SH3YL1: variants seen among roughly 807,000 people sequenced by gnomAD.
SH3YL1 encodes the protein SH3 and SYLF domain containing 1.
In SH3YL1, 41 loss-of-function variants were observed where a neutral mutation model predicts 45.8. The ratio of observed to expected loss-of-function variants is 0.89; its 90% CI spans 0.70 to 1.16. The LOEUF is 1.16. Among genes scored for constraint, SH3YL1 ranks in the 50% most tolerant of loss-of-function variants. The probability of loss-of-function intolerance (pLI) is 0.00; values close to 1 mark genes in which losing one functional copy is unlikely to be tolerated. For synonymous variants in SH3YL1, 152 were observed against 151.4 expected (o/e 1.00, Z -0.03); for missense variants, 389 against 409.6 (o/e 0.95, Z 0.43).
chr2:237,881 A>C (rs1419910878), intron 4 of SH3YL1, among the ~76,000 whole-genome samples: 2 of 152,240 alleles, frequency 1.3e-5, no homozygotes, highest in Non-Finnish European at 2.9e-5. Context: ...AATTAAATAA[A>C]TTCTTAAACA....
chr2:247,347 A>G (rs549391501), intron 4 of SH3YL1, among the ~76,000 whole-genome samples, 191 bp downstream of exon 4: 3 of 152,354 alleles, frequency 2.0e-5, no homozygotes, highest in East Asian at 1.9e-4. Flanking sequence ...TACTAAGGAA[A>G]GAAAAGGAAA....
At chr2:259,953 AATTTCTAT>A (rs1366912634) in intron 1 of SH3YL1, 2 of 152,032 alleles carry the variant, frequency 1.3e-5, no homozygotes, top group African/African-American at 4.8e-5. Context: ...ATGGCAACAA[AATTTCTAT>A]ATTTCTATAT....
intron 1 of SH3YL1, among the ~76,000 whole-genome samples, chr2:258,971 C>T (rs1163346435): frequency 6.6e-6 from 1 of 152,200 alleles, no homozygotes; most frequent in Non-Finnish European, 1.5e-5. Context: ...TCTGCAAATT[C>T]CAGTTACCTC....
chr2:264,110 GCAAAACAC>G, upstream of SH3YL1: 4 of 1,272,096 alleles, frequency 3.1e-6, no homozygotes, highest in Admixed American at 7.7e-5. Context: ...AGGAGGCGGC[GCAAAACAC>G]CCGCCGTGTA....
chr2:243,601 A>C (rs929275831), intron 4 of SH3YL1: 3 of 1,517,578 alleles, frequency 2.0e-6, no homozygotes, highest in African/African-American at 1.4e-5. Flanking sequence ...GGTAACCTGA[A>C]CTACCTATCA....
intron 4 of SH3YL1, among the ~76,000 whole-genome samples, chr2:244,170 T>C (rs1668673445): frequency 6.6e-6 from 1 of 151,022 alleles, no homozygotes; most frequent in Non-Finnish European, 1.5e-5. Context: ...GCTATGAAAA[T>C]GATTCCATAA....
intron 3 of SH3YL1, among the ~76,000 whole-genome samples, chr2:249,352 A>G (rs1191057034): frequency 2.0e-5 from 3 of 152,192 alleles, no homozygotes; most frequent in Admixed American, 1.3e-4. Context: ...CCTTATTTTC[A>G]TATCAATTTC....
chr2:263,674 G>T, intron 1 of SH3YL1: 1 of 356,618 alleles, frequency 2.8e-6, no homozygotes, highest in Non-Finnish European at 5.1e-6. Flanking sequence ...TGGAACGGAA[G>T]GATGGTCGCT....
At chr2:238,302 T>G (rs927103623) in intron 4 of SH3YL1, among the ~76,000 whole-genome samples, 3 of 137,834 alleles carry the variant, frequency 2.2e-5, no homozygotes, top group African/African-American at 8.1e-5. Flanking sequence ...TGTGTGTGTG[T>G]GGCATGGCCA....
intron 9 of SH3YL1, among the ~76,000 whole-genome samples, chr2:221,482 T>C (rs1667572467): frequency 6.6e-6 from 1 of 152,204 alleles, no homozygotes; most frequent in African/African-American, 2.4e-5. Flanking sequence ...GTCCCTGCCC[T>C]CACAATCAGG....
chr2:219,496 A>G (rs1486080650), intron 9 of SH3YL1, among the ~76,000 whole-genome samples: 1 of 152,144 alleles, frequency 6.6e-6, no homozygotes, highest in Non-Finnish European at 1.5e-5. Flanking sequence ...ACCATCTCTG[A>G]GGCAGAAACC....
At chr2:259,439 CT>C (rs1558255451) in intron 1 of SH3YL1, 1 of 151,588 alleles carries the variant, frequency 6.6e-6, no homozygotes, top group Non-Finnish European at 1.5e-5. Context: ...TTTGAATTTG[CT>C]TTTTTTTCTG....
intron 3 of SH3YL1, among the ~76,000 whole-genome samples, chr2:248,317 G>A (rs547074114): frequency 6.6e-6 from 1 of 152,120 alleles, no homozygotes; most frequent in African/African-American, 2.4e-5. Context: ...TTTTGAAAAT[G>A]GTTGCTACCA....
In SH3YL1 at chr2:218,874, C is replaced by T; in HGVS notation, c.966G>A (p.Trp322Ter). 1.9e-6 allele frequency: 3 copies of T among 1,614,078 alleles called. No individual in the cohort carries two copies. The highest frequency in any genetic ancestry group is 1.6e-4 in the Middle Eastern group (1 of 6,062). The change falls in exon 10 of 10, where the codon TGG becomes TGA. Residue 322 changes from tryptophan (W) to a stop codon, truncating the protein, a stop_gained. Transcript: ENST00000356150. LOFTEE classifies it high-confidence loss of function. ...TTTGACCTCGAAGTTTTCCTTCCCA[C>T]CAATCAAAATGTGAATCTGTTTTTG... Reference protein sequence around the residue: ...VISKTDSHFDWWEGKLRGQTG... With the variant: ...VISKTDSHFD
chr2:222,016 T>A lies in SH3YL1; in HGVS notation c.838+2848A>T, dbSNP rs563976095. On this transcript the variant is annotated intron_variant, in intron 9 of 9. Transcript: ENST00000356150. ...GTGAGTCAAGTAATGATTCCTTCCA[T>A]GAAGAAAAACCTTCCTGGTTACCGG... 1.6e-4 allele frequency among the ~76,000 whole-genome samples: 24 copies of A among 152,248 alleles called. No homozygotes were observed. In the South Asian group the frequency reaches 5.0e-3, roughly 32 times the overall value.
At chr2:262,320 T>C in intron 1 of SH3YL1, 1 of 192,666 alleles carries the variant, frequency 5.2e-6, no homozygotes. Context: ...ACTTTCAGAC[T>C]ACCGTCTGAA....
chr2:249,645 C>A (rs1668987001), intron 3 of SH3YL1, 86 bp downstream of exon 3: 1 of 978,290 alleles, frequency 1.0e-6, no homozygotes, highest in South Asian at 1.5e-5. Flanking sequence ...GGAAACCTGT[C>A]CTACTCGCTA....
chr2:245,618 A>T (rs963961792), intron 4 of SH3YL1, among the ~76,000 whole-genome samples: 2 of 152,136 alleles, frequency 1.3e-5, no homozygotes, highest in Non-Finnish European at 2.9e-5. Context: ...GACTGGAAGC[A>T]CCCAGGTCAG....
rs300756 is a variant in SH3YL1, at chr2:233,416, G to A, written c.405-187C>T. Among the ~76,000 whole-genome samples, 29,324 of 152,154 alleles carry A rather than the reference G, an allele frequency of 0.19. 3,324 individuals carry two copies. The highest frequency in any genetic ancestry group is 0.33 in the South Asian group (1,588 of 4,826). ...ATGTGGCCTAGAGGAAAAACAGGCC[G>A]GGGGAAGAACATACATGAAATTATT... On this transcript the variant is annotated intron_variant, in intron 5 of 9. Transcript: ENST00000356150.
Sources: gnomAD v4.1 joint callset for allele counts (sites outside exome capture counted in the v4.1 genomes callset) on GRCh38, gnomAD v4.1.1 for gene constraint, MANE v1.5 for transcripts, NCBI Gene and HGNC (gene_info 2026-07-23, HGNC 2026-07-21) for gene names.